NEBL: variants seen among roughly 807,000 people sequenced by gnomAD.
NEBL encodes LIM and SH3 protein 2.
NEBL carries 122 observed loss-of-function variants against 140.2 expected under a neutral mutation model. The observed-to-expected ratio is 0.87, with a 90% confidence interval of 0.75 to 1.01. The LOEUF is 1.01. Ranked by LOEUF, NEBL falls within the 50% of genes least tolerant of loss-of-function variation. The pLI is 0.00. For synonymous variants in NEBL, 436 were observed against 398.9 expected (o/e 1.09, Z -1.11); for missense variants, 1,365 against 1,231.3 (o/e 1.11, Z -1.62).
Position 20,868,267 on chromosome 10 carries a change from T to G in NEBL, c.684+397A>C, listed in dbSNP as rs1844524130. 1.9e-5 allele frequency: 3 copies of G among 155,976 alleles called. No homozygotes were observed. In the South Asian group the frequency reaches 5.9e-4, roughly 31 times the overall value. 9.7% of individuals were successfully genotyped at this position (155,976 alleles called of 1,614,324 possible). ...AAATTTTGTGATTAAACAAAAGCAC[T>G]TGAAAATTGGGAAAATTAATATTTT... On this transcript the variant is annotated intron_variant, in intron 7 of 27. Coordinates refer to ENST00000377122, the MANE Select transcript of NEBL (RefSeq NM_006393.3).
rs760797430 is a variant in NEBL, at chr10:20,817,608, T to C, written c.2140A>G (p.Ile714Val). ...LKRAKENQKN[I>V]SNVYYRGQLG... is the part of the protein sequence containing the mutation. ...TACTAAGATGATCACACATTGCTGA[T>C]GTTTTTCTGGTTTTCTTTTGCCCTC... Residue 714 changes from isoleucine (I) to valine (V), a missense_variant, in exon 21 of 28, where the codon ATC becomes GTC. Ile to Val is a conservative substitution (Grantham distance 29). Transcript: ENST00000377122. The C allele has an allele frequency of 5.0e-6, 8 of 1,611,476 alleles. No individual in the cohort carries two copies. In the East Asian group the frequency reaches 1.1e-4, roughly 22 times the overall value.
Position 20,790,657 on chromosome 10 carries a change from C to T in NEBL, c.2762-3349G>A, listed in dbSNP as rs1835879756. On this transcript the variant is annotated intron_variant, in intron 26 of 27. Coordinates refer to ENST00000377122, the MANE Select transcript of NEBL (RefSeq NM_006393.3). ...AAACAAAGACAAACATAATTGAAAG[C>T]CTAAAGAAATCAACTTAGTAAAAGC... is the stretch of plus-strand genomic sequence containing the variant. Among the ~76,000 whole-genome samples, 3 of 151,048 alleles carry T rather than the reference C, an allele frequency of 2.0e-5. No individual in the cohort carries two copies. In the South Asian group the frequency reaches 6.3e-4, roughly 32 times the overall value.
intron 2 of NEBL, among the ~76,000 whole-genome samples, chr10:21,043,713 G>A (rs1238060247): frequency 1.3e-5 from 2 of 152,138 alleles, no homozygotes; most frequent in African/African-American, 4.8e-5. Context: ...GATCTGCCAC[G>A]CCAAACAATT....
At chr10:20,903,717 A>C (rs1847971576) in intron 4 of NEBL, among the ~76,000 whole-genome samples, 1 of 151,682 alleles carries the variant, frequency 6.6e-6, no homozygotes, top group South Asian at 2.1e-4. Flanking sequence ...ATTTTGTAGC[A>C]ACTGGGATGG....
chr10:21,048,991 C>G (rs535842498), intron 2 of NEBL, among the ~76,000 whole-genome samples: 7 of 152,188 alleles, frequency 4.6e-5, no homozygotes, highest in African/African-American at 1.7e-4. Flanking sequence ...GCCTGGATGA[C>G]AGAGAGAGAC....
chr10:20,798,133 A>G (rs980776803), intron 26 of NEBL, among the ~76,000 whole-genome samples: 6 of 151,164 alleles, frequency 4.0e-5, no homozygotes, highest in African/African-American at 1.5e-4. Flanking sequence ...AAAATGTAGC[A>G]TGGGCATATC....
Position 21,269,836 on chromosome 10 carries a change from G to A in NEBL, n.183-18008C>T, listed in dbSNP as rs148985360. Among the ~76,000 whole-genome samples, 1,252 of 152,296 alleles carry A rather than the reference G, an allele frequency of 8.2e-3. 15 individuals carry two copies. Among genetic ancestry groups the A allele is most frequent in the Non-Finnish European group, 0.012 (845 of 68,042 alleles). ...CTACCAGACTGGGTCTCCAGGCACA[G>A]CTCTCTGCCACCTTCTATTAATCTC... is the stretch of plus-strand genomic sequence containing the variant. On this transcript the variant is annotated intron_variant and non_coding_transcript_variant, in intron 1 of 8. Coordinates refer to the NEBL transcript ENST00000675702.
At chr10:21,125,700 T>C (rs1039787742) in intron 2 of NEBL, 1 of 693,920 alleles carries the variant, frequency 1.4e-6, no homozygotes, top group Non-Finnish European at 2.5e-6. Flanking sequence ...CCTTCCTCCC[T>C]GCACCCTACA....
intron 3 of NEBL, among the ~76,000 whole-genome samples, chr10:21,221,137 G>A (rs1369537862): frequency 2.0e-5 from 3 of 152,110 alleles, no homozygotes; most frequent in Admixed American, 6.6e-5. Context: ...CTGGGTGACA[G>A]GGAGAGACTC....
At chr10:20,882,224 G>T (rs923616379) in intron 4 of NEBL, among the ~76,000 whole-genome samples, 64 of 142,606 alleles carry the variant, frequency 4.5e-4, no homozygotes, top group African/African-American at 1.7e-3. Context: ...AAGAAGGAAA[G>T]AAAAAAGGAA....
At chr10:21,272,330 A>C (rs1195679591) in intron 1 of NEBL, among the ~76,000 whole-genome samples, 2 of 151,902 alleles carry the variant, frequency 1.3e-5, no homozygotes, top group Non-Finnish European at 2.9e-5. Flanking sequence ...CACACCTTTA[A>C]TCTCAGCACT....
At chr10:21,050,179 C>G (rs1410793371) in intron 2 of NEBL, among the ~76,000 whole-genome samples, 1 of 152,228 alleles carries the variant, frequency 6.6e-6, no homozygotes, top group African/African-American at 2.4e-5. Context: ...GGTAGAGTCT[C>G]TCTTTTGCCT....
At chr10:21,120,015 T>G (rs1170942155) in intron 2 of NEBL, among the ~76,000 whole-genome samples, 3 of 152,088 alleles carry the variant, frequency 2.0e-5, no homozygotes, top group East Asian at 3.9e-4. Context: ...TGCTAAGTGA[T>G]GGGCAGAGAA....
At chr10:21,165,592 G>C (rs1303999753) in intron 2 of NEBL, among the ~76,000 whole-genome samples, 1 of 152,172 alleles carries the variant, frequency 6.6e-6, no homozygotes, top group East Asian at 1.9e-4. Flanking sequence ...TAAATGCCAG[G>C]CTCATCTACG....
rs56821805 is a variant in NEBL, at chr10:20,931,494, C to G, written c.357+30178G>C. Among the ~76,000 whole-genome samples, 1,015 of 152,218 alleles carry G rather than the reference C, an allele frequency of 6.7e-3. 10 individuals carry two copies. The highest frequency in any genetic ancestry group is 0.024 in the African/African-American group (981 of 41,544). On this transcript the variant is annotated intron_variant, in intron 4 of 6. Coordinates refer to the NEBL transcript ENST00000417816. ...AAAAAGAAATGTTCCTCTAAACTAA[C>G]AAAGATATGGGATGAGAGTCAGTAG...
upstream of NEBL, among the ~76,000 whole-genome samples, chr10:20,901,441 G>A (rs577904550): frequency 5.9e-5 from 9 of 151,916 alleles, no homozygotes; most frequent in Non-Finnish European, 1.0e-4. Context: ...GTTTTTGACT[G>A]TTTCACACTT....
At chr10:21,058,511 A>G (rs1230569337) in intron 2 of NEBL, among the ~76,000 whole-genome samples, 1 of 152,204 alleles carries the variant, frequency 6.6e-6, no homozygotes, top group Non-Finnish European at 1.5e-5. Flanking sequence ...TATAAGCCAA[A>G]ACCTTCTACT....
chr10:20,869,987 G>C, intron 5 of NEBL, 146 bp from the exon 6 acceptor site: 2 of 670,908 alleles, frequency 3.0e-6, no homozygotes, highest in East Asian at 5.5e-5. Flanking sequence ...GCATCTATTT[G>C]TATAGCTATA....
chr10:21,159,097 T>A (rs1182324458), intron 2 of NEBL, among the ~76,000 whole-genome samples: 1 of 152,234 alleles, frequency 6.6e-6, no homozygotes, highest in East Asian at 1.9e-4. Context: ...GTATGTCCTA[T>A]GATGCTTTTC....
Sources: gnomAD v4.1 joint callset for allele counts (sites outside exome capture counted in the v4.1 genomes callset) on GRCh38, gnomAD v4.1.1 for gene constraint, MANE v1.5 for transcripts, NCBI Gene and HGNC (gene_info 2026-07-23, HGNC 2026-07-21) for gene names.